Variants in TANK observed in about 807,000 individuals in gnomAD.
TANK encodes the protein TRAF family member associated NFKB activator.
In TANK, 15 loss-of-function variants were observed where a neutral mutation model predicts 43.6. The ratio of observed to expected loss-of-function variants is 0.34; its 90% CI spans 0.23 to 0.53. The LOEUF (loss-of-function observed/expected upper bound fraction) is 0.53, where lower values mean the gene tolerates loss of function less well. TANK is among the 20% of genes least tolerant of loss of function. TANK has a pLI of 0.94. For synonymous variants in TANK, 162 were observed against 178.2 expected (o/e 0.91, Z 0.73); for missense variants, 417 against 498.6 (o/e 0.84, Z 1.56).
chr2:161,207,918 A>C, intron 4 of TANK: 7 of 977,518 alleles, frequency 7.2e-6, no homozygotes, highest in Non-Finnish European at 8.5e-6. Flanking sequence ...ATATACTTTA[A>C]TGGTCTTCTG....
At chr2:161,180,968 T>C (rs1055272321) in intron 2 of TANK, among the ~76,000 whole-genome samples, 4 of 151,460 alleles carry the variant, frequency 2.6e-5, no homozygotes, top group Non-Finnish European at 5.9e-5. Flanking sequence ...TTCCAGATTC[T>C]CTCAAAAGGA....
chr2:161,196,489 G>T (rs1330617880), intron 2 of TANK, among the ~76,000 whole-genome samples: 1 of 152,178 alleles, frequency 6.6e-6, no homozygotes, highest in Non-Finnish European at 1.5e-5. Context: ...CTTGGGCTTT[G>T]TATTCAGGCA....
intron 1 of TANK, among the ~76,000 whole-genome samples, chr2:161,148,360 C>T (rs560400322): frequency 1.3e-5 from 2 of 152,034 alleles, no homozygotes; most frequent in Admixed American, 6.5e-5. Context: ...CAGTTACCCA[C>T]GTTTTAATTG....
intron 2 of TANK, among the ~76,000 whole-genome samples, chr2:161,194,001 G>T (rs569326976): frequency 2.6e-5 from 4 of 152,256 alleles, no homozygotes; most frequent in African/African-American, 9.6e-5. Flanking sequence ...CCATAATATG[G>T]AATTAAATAT....
intron 2 of TANK, among the ~76,000 whole-genome samples, chr2:161,182,696 G>A (rs1431191261): frequency 6.6e-6 from 1 of 152,024 alleles, no homozygotes; most frequent in Non-Finnish European, 1.5e-5. Context: ...GGCTTCTATG[G>A]AGACTTCATT....
At chr2:161,198,777 T>C (rs750121695) in intron 2 of TANK, among the ~76,000 whole-genome samples, 1 of 152,178 alleles carries the variant, frequency 6.6e-6, no homozygotes, top group Admixed American at 6.5e-5. Flanking sequence ...TAGTTTACCA[T>C]TTGGCATGCT....
At position 161,199,681 on chromosome 2, in the gene TANK, T is replaced by C. The variant is rs528163715; in HGVS notation, c.100-3806T>C. Among the ~76,000 whole-genome samples the C allele has an allele frequency of 9.3e-4, 141 of 152,324 alleles. No individual in the cohort carries two copies. In the South Asian group the frequency reaches 0.011, roughly 11 times the overall value. On this transcript the variant is annotated intron_variant, in intron 2 of 7. Coordinates refer to ENST00000392749, the MANE Select transcript of TANK (RefSeq NM_001199135.3). ...TATGGGCAACCATTTTTGATAAATT[T>C]AGGATGTGTGCTATATTTGATCACC...
At chr2:161,216,323 G>A (rs1687114857) in intron 4 of TANK, 3 of 454,158 alleles carry the variant, frequency 6.6e-6, no homozygotes, top group Admixed American at 5.0e-5. Flanking sequence ...GAATCTCCTT[G>A]CTTTCCTTCT....
intron 4 of TANK, chr2:161,212,384 A>G (rs188786455): frequency 1.0e-6 from 1 of 984,826 alleles, no homozygotes; most frequent in African/African-American, 1.7e-5. Context: ...TTAAGAAAAC[A>G]AATATTGATA....
At position 161,179,934 on chromosome 2, in the gene TANK, A is replaced by T. The variant is rs4664409; in HGVS notation, c.99+173A>T. 3.7e-5 allele frequency: 47 copies of T among 1,277,634 alleles called. No individual in the cohort carries two copies. The East Asian group carries it at 5.1e-4, about 14-fold the overall frequency. 79.1% of individuals were successfully genotyped at this position (1,277,634 alleles called of 1,614,324 possible). On this transcript the variant is annotated intron_variant, in intron 2 of 7. Transcript: ENST00000392749. ...GAAGTTTTTGTTTGTTGTTTTTTTT[A>T]AAAATATTGCAACCCATAGGAAGAG...
chr2:161,145,420 C>T (rs1185687736), intron 1 of TANK, among the ~76,000 whole-genome samples: 1 of 151,612 alleles, frequency 6.6e-6, no homozygotes, highest in Non-Finnish European at 1.5e-5. Context: ...TTCATAGTGT[C>T]ATTGGTCTTT....
chr2:161,199,400 C>A (rs925454135), intron 2 of TANK, among the ~76,000 whole-genome samples: 35 of 151,642 alleles, frequency 2.3e-4, no homozygotes, highest in Admixed American at 2.0e-3. Context: ...GGCACTTAAA[C>A]TTTTTTTCCC....
chr2:161,167,339 A>G (rs978933172), intron 1 of TANK, among the ~76,000 whole-genome samples: 1 of 152,214 alleles, frequency 6.6e-6, no homozygotes, highest in African/African-American at 2.4e-5. Flanking sequence ...TTTGGCTCAT[A>G]CACTGTCAGC....
intron 4 of TANK, among the ~76,000 whole-genome samples, chr2:161,216,149 T>C (rs1687106637): frequency 6.6e-6 from 1 of 152,178 alleles, no homozygotes; most frequent in Non-Finnish European, 1.5e-5. Flanking sequence ...GATTTACTCA[T>C]TGTTATTTCT....
At chr2:161,162,260 C>T (rs1393768175) in intron 1 of TANK, among the ~76,000 whole-genome samples, 1 of 152,028 alleles carries the variant, frequency 6.6e-6, no homozygotes, top group Non-Finnish European at 1.5e-5. Context: ...GGACAAGTCC[C>T]TCTTCATTTT....
At chr2:161,199,949 C>G (rs539792957) in intron 2 of TANK, among the ~76,000 whole-genome samples, 2 of 152,240 alleles carry the variant, frequency 1.3e-5, no homozygotes, top group East Asian at 3.9e-4. Context: ...ACCTGTTTAC[C>G]TCTTTAGATG....
intron 1 of TANK, among the ~76,000 whole-genome samples, chr2:161,174,568 G>A (rs1488304588): frequency 6.6e-6 from 1 of 152,100 alleles, no homozygotes; most frequent in African/African-American, 2.4e-5. Context: ...CATATTTGCT[G>A]AGCAAAAGTT....
At chr2:161,193,755 T>C (rs1326564182) in intron 2 of TANK, among the ~76,000 whole-genome samples, 2 of 152,188 alleles carry the variant, frequency 1.3e-5, no homozygotes, top group African/African-American at 4.8e-5. Flanking sequence ...TTAATGATGT[T>C]GTCCAGAATT....
intron 4 of TANK, among the ~76,000 whole-genome samples, chr2:161,213,869 G>A (rs575964130): frequency 3.3e-5 from 5 of 152,108 alleles, no homozygotes; most frequent in Non-Finnish European, 7.4e-5. Context: ...ATCTGAAAGC[G>A]TATCAATGAA....
Sources: allele counts gnomAD v4.1 joint callset (sites outside exome capture counted in the v4.1 genomes callset), GRCh38; gene constraint gnomAD v4.1.1; transcripts MANE v1.5; gene names NCBI Gene and HGNC (gene_info 2026-07-23, HGNC 2026-07-21).